VPS54: variants seen among roughly 807,000 people sequenced by gnomAD.
VPS54 encodes VPS54 subunit of GARP complex, also known as vacuolar protein sorting-associated protein 54.
A neutral mutation model predicts 121.5 loss-of-function variants in VPS54; 45 were observed. The observed-to-expected ratio is 0.37, with a 90% CI of 0.29 to 0.47. The LOEUF (loss-of-function observed/expected upper bound fraction) is 0.47. Ranked by LOEUF, VPS54 falls within the 20% of genes least tolerant of loss-of-function variation. The pLI is 0.99. For synonymous variants in VPS54, 371 were observed against 385.8 expected, an observed-to-expected ratio of 0.96 and a Z score of 0.45; for missense variants, 1,090 against 1,131.4, an observed-to-expected ratio of 0.96 and a Z score of 0.52.
intron 1 of VPS54, among the ~76,000 whole-genome samples, chr2:64,013,356 A>T (rs1678512018): frequency 6.6e-6 from 1 of 152,076 alleles, no homozygotes; most frequent in Admixed American, 6.6e-5. Context: ...GGATAAACCT[A>T]AAGAAGAGAG....
intron 7 of VPS54, among the ~76,000 whole-genome samples, chr2:63,951,564 CAGTT>C (rs993436771): frequency 2.6e-5 from 4 of 152,088 alleles, no homozygotes; most frequent in African/African-American, 9.7e-5. Context: ...ATATGTACCA[CAGTT>C]AGTTTTCTGC....
chr2:63,927,633 A>G (rs1293414774), intron 12 of VPS54, among the ~76,000 whole-genome samples: 2 of 152,250 alleles, frequency 1.3e-5, no homozygotes, highest in Non-Finnish European at 1.5e-5. Context: ...CCTCACCAGC[A>G]AGGGAACAAA....
At chr2:63,957,463 T>G (rs889013038) in intron 7 of VPS54, among the ~76,000 whole-genome samples, 4 of 150,370 alleles carry the variant, frequency 2.7e-5, no homozygotes, top group Non-Finnish European at 5.9e-5. Context: ...AAAAAAAAAT[T>G]TATGTCCTAA....
chr2:63,958,466 T>G (rs1180617043), intron 7 of VPS54, among the ~76,000 whole-genome samples: 1 of 152,164 alleles, frequency 6.6e-6, no homozygotes, highest in Non-Finnish European at 1.5e-5. Flanking sequence ...TTGTGGTAAT[T>G]TAACTACTGG....
At chr2:63,914,777 A>T (rs771179216) in intron 16 of VPS54, among the ~76,000 whole-genome samples, 16 of 152,052 alleles carry the variant, frequency 1.1e-4, no homozygotes, top group Non-Finnish European at 2.2e-4. Context: ...AGATGGAAAA[A>T]AAAAAAATCT....
chr2:64,018,520 A>C (rs942499975), intron 1 of VPS54, among the ~76,000 whole-genome samples: 2 of 152,208 alleles, frequency 1.3e-5, no homozygotes, highest in African/African-American at 4.8e-5. Context: ...CCTTCCCCGG[A>C]GAGAAAAACA....
chr2:63,900,736 T>C (rs1017294602), intron 20 of VPS54, among the ~76,000 whole-genome samples: 1 of 151,672 alleles, frequency 6.6e-6, no homozygotes, highest in African/African-American at 2.4e-5. Context: ...GGACAGGCCA[T>C]ATCATCTCAA....
chr2:63,988,761 G>A (rs748943529), intron 1 of VPS54, among the ~76,000 whole-genome samples: 7 of 152,104 alleles, frequency 4.6e-5, no homozygotes, highest in South Asian at 2.1e-4. Flanking sequence ...CAGACTGTTC[G>A]TAAAGCATGT....
chr2:63,990,116 A>G (rs771924947), intron 1 of VPS54, among the ~76,000 whole-genome samples: 22 of 151,934 alleles, frequency 1.4e-4, no homozygotes, highest in Non-Finnish European at 2.2e-4. Context: ...AGTTAACACA[A>G]TTTTCTGAAT....
chr2:63,976,320 C>T (rs1301567483), intron 3 of VPS54, among the ~76,000 whole-genome samples: 5 of 146,314 alleles, frequency 3.4e-5, no homozygotes, highest in Non-Finnish European at 7.4e-5. Context: ...CACCGCACTC[C>T]AGCCTGGGCA....
chr2:64,008,228 C>T (rs548641722), intron 1 of VPS54, among the ~76,000 whole-genome samples: 37 of 152,138 alleles, frequency 2.4e-4, no homozygotes, highest in Non-Finnish European at 4.1e-4. Context: ...GCCTAGCCAA[C>T]GTGGTGAAAC....
At chr2:63,977,018 G>A (rs1244579752) in intron 3 of VPS54, among the ~76,000 whole-genome samples, 1 of 151,716 alleles carries the variant, frequency 6.6e-6, no homozygotes, top group Non-Finnish European at 1.5e-5. Flanking sequence ...TAGTAGAGAT[G>A]GGGTTTCATC....
At chr2:64,017,570 T>C (rs1678767022) in intron 1 of VPS54, among the ~76,000 whole-genome samples, 1 of 152,170 alleles carries the variant, frequency 6.6e-6, no homozygotes, top group African/African-American at 2.4e-5. Flanking sequence ...GAAAGCCAAA[T>C]GCTGTAGTAA....
intron 1 of VPS54, among the ~76,000 whole-genome samples, chr2:64,018,356 C>A (rs1253295187): frequency 2.6e-5 from 4 of 152,088 alleles, no homozygotes; most frequent in Non-Finnish European, 4.4e-5. Flanking sequence ...GCCAAAGTTC[C>A]CAAGTCAACG....
intron 11 of VPS54, among the ~76,000 whole-genome samples, chr2:63,938,149 T>C (rs747128337): frequency 2.4e-4 from 36 of 151,762 alleles, no homozygotes; most frequent in Admixed American, 5.3e-4. Context: ...TGTGTGTGTG[T>C]GCAGACAGGA....
chr2:63,974,969 A>G (rs1353635808), intron 3 of VPS54: 3 of 1,546,000 alleles, frequency 1.9e-6, no homozygotes, highest in Non-Finnish European at 2.6e-6. Context: ...AGAAACAGTG[A>G]CAGGGGACAT....
In VPS54 at chr2:63,963,860, A is replaced by C. The variant is rs546427331; in HGVS notation, c.625-1417T>G. 3.3e-5 allele frequency among the ~76,000 whole-genome samples: 5 copies of C among 152,286 alleles called. No individual in the cohort carries two copies. In the East Asian group the frequency reaches 9.6e-4, roughly 29 times the overall value. Reference sequence around the variant, plus strand: ...CAGTGCTACCCAGAATGTGATTTATATGCTGCTGCCAATCTGTGGACTGTT... The same window carrying C: ...CAGTGCTACCCAGAATGTGATTTATCTGCTGCTGCCAATCTGTGGACTGTT... On this transcript the variant is annotated intron_variant, in intron 6 of 22. Coordinates refer to ENST00000272322, the MANE Select transcript of VPS54 (RefSeq NM_016516.3).
At chr2:63,931,803 T>A (rs1027795502) in intron 12 of VPS54, among the ~76,000 whole-genome samples, 5 of 151,970 alleles carry the variant, frequency 3.3e-5, no homozygotes, top group African/African-American at 1.2e-4. Flanking sequence ...TTAAACAAAT[T>A]TACAAGAAAA....
chr2:64,007,883 C>G (rs574494409), intron 1 of VPS54, among the ~76,000 whole-genome samples: 2 of 151,956 alleles, frequency 1.3e-5, no homozygotes, highest in African/African-American at 2.4e-5. Context: ...AGATTACTAA[C>G]TTTAGAAAGG....
Sources: gnomAD v4.1 joint callset for allele counts (sites outside exome capture counted in the v4.1 genomes callset) on GRCh38, gnomAD v4.1.1 for gene constraint, MANE v1.5 for transcripts, NCBI Gene and HGNC (gene_info 2026-07-23, HGNC 2026-07-21) for gene names.